The following DOCK4 variants were observed in gnomAD, a reference collection of about 807,000 sequenced individuals.
The protein encoded by DOCK4 is dedicator of cytokinesis protein 4.
Under a neutral mutation model 268.1 loss-of-function variants are expected in DOCK4, and 97 were observed. That is an observed-to-expected ratio of 0.36 (90% confidence interval 0.31 to 0.43). DOCK4 has a LOEUF of 0.43. DOCK4 is among the 20% of genes least tolerant of loss of function. DOCK4 has a pLI of 1.00. For missense variants in DOCK4, 2,145 were observed against 2,455.7 expected (o/e 0.87, Z 2.67); for synonymous variants, 954 against 887.2 (o/e 1.08, Z -1.34).
intron 1 of DOCK4, among the ~76,000 whole-genome samples, chr7:112,131,991 G>A (rs1813852018): frequency 6.6e-6 from 1 of 152,160 alleles, no homozygotes; most frequent in Non-Finnish European, 1.5e-5. Context: ...CTTCATACAA[G>A]CATCATCATT....
intron 30 of DOCK4, among the ~76,000 whole-genome samples, chr7:111,805,759 A>G (rs533565439): frequency 5.8e-4 from 88 of 152,360 alleles, no homozygotes; most frequent in African/African-American, 2.0e-3. Flanking sequence ...AATCTGATTT[A>G]AAAGTATTAT....
chr7:112,031,277 G>A (rs560048158), intron 1 of DOCK4, among the ~76,000 whole-genome samples: 6 of 152,282 alleles, frequency 3.9e-5, no homozygotes, highest in East Asian at 1.9e-4. Context: ...TCACATAGTC[G>A]TTCCACTCCC....
chr7:111,844,897 C>A lies in DOCK4; in HGVS notation c.2602G>T (p.Glu868Ter). ...VFCLIKKNSS[E>*]KSVLEEIDVI... ...TCTATTTCCTCCAGCACAGATTTTT[C>A]CTTAAGAGAAAAAAAATAATATGTT... Residue 868 changes from glutamate to a stop codon, truncating the protein, a stop_gained and splice_region_variant, in exon 25 of 53, where the codon GAA becomes TAA. Transcript: ENST00000428084. LOFTEE classifies it high-confidence loss of function. 1 of 1,603,326 alleles carries A rather than the reference C, an allele frequency of 6.2e-7. No individual in the cohort carries two copies. Among genetic ancestry groups the A allele is most frequent in the Non-Finnish European group, 8.5e-7 (1 of 1,175,670 alleles).
intron 2 of DOCK4, among the ~76,000 whole-genome samples, chr7:112,003,607 T>C (rs1293674036): frequency 5.3e-5 from 8 of 152,148 alleles, no homozygotes; most frequent in Non-Finnish European, 8.8e-5. Flanking sequence ...ATTCCAAGTT[T>C]GAGGGGAAGA....
intron 8 of DOCK4, among the ~76,000 whole-genome samples, chr7:111,961,642 T>C (rs1796903503): frequency 6.6e-6 from 1 of 152,240 alleles, no homozygotes; most frequent in Non-Finnish European, 1.5e-5. Context: ...AGCTGCCTAT[T>C]TTAAGTCTGA....
chr7:111,930,039 G>A (rs1329640122), intron 12 of DOCK4, among the ~76,000 whole-genome samples: 1 of 152,136 alleles, frequency 6.6e-6, no homozygotes, highest in African/African-American at 2.4e-5. Context: ...TCTATCAGAG[G>A]TGAAATTTAT....
chr7:112,047,399 T>C (rs549440537), intron 1 of DOCK4, among the ~76,000 whole-genome samples: 53 of 151,970 alleles, frequency 3.5e-4, no homozygotes, highest in Non-Finnish European at 6.0e-4. Context: ...AATCAACCAA[T>C]CTAAAATGAC....
chr7:111,830,333 G>C lies in DOCK4; in HGVS notation c.2835+4255C>G, dbSNP rs770572404. On this transcript the variant is annotated intron_variant, in intron 26 of 52. Transcript: ENST00000428084. Reference sequence around the variant, plus strand: ...CCCAGCTACTCAAGAAGCTGAGGAAGAGGAATTGCGTCAACCTGGGTGACG... The same window carrying C: ...CCCAGCTACTCAAGAAGCTGAGGAACAGGAATTGCGTCAACCTGGGTGACG... Among the ~76,000 whole-genome samples the C allele has an allele frequency of 4.3e-4, 65 of 152,136 alleles. 1 individual carries two copies. The highest frequency in any genetic ancestry group is 1.2e-4 in the Non-Finnish European group (8 of 68,016).
rs747269738 is a variant in DOCK4, at chr7:112,156,186, C to T, written c.37+49916G>A. On this transcript the variant is annotated intron_variant, in intron 1 of 52. Coordinates refer to ENST00000428084, the MANE Select transcript of DOCK4 (RefSeq NM_001363540.2). ...TTCATCTCTATAATGGGAATCTCAA[C>T]ACCAAACTCTCAGGATGGCCTCCCT... Among the ~76,000 whole-genome samples the T allele has an allele frequency of 3.5e-4, 54 of 152,154 alleles. 1 individual carries two copies. Among genetic ancestry groups the T allele is most frequent in the Non-Finnish European group, 1.3e-4 (9 of 68,026 alleles).
At chr7:112,130,687 C>A (rs1813719931) in intron 1 of DOCK4, among the ~76,000 whole-genome samples, 1 of 152,190 alleles carries the variant, frequency 6.6e-6, no homozygotes, top group African/African-American at 2.4e-5. Context: ...CTGGTCTACA[C>A]TCTCAAAATA....
chr7:111,767,018 T>C lies in DOCK4; in HGVS notation c.3915+14A>G. On this transcript the variant is annotated intron_variant, in intron 38 of 52. Transcript: ENST00000428084. Reference sequence around the variant, plus strand: ...GAGGCTATGGCCTGATCAGGATGCATCCAGGCACCTTACCCGCATCTTGCT... The same window carrying C: ...GAGGCTATGGCCTGATCAGGATGCACCCAGGCACCTTACCCGCATCTTGCT... The C allele has an allele frequency of 6.2e-7, 1 of 1,606,736 alleles. No individual in the cohort carries two copies. Among genetic ancestry groups the C allele is most frequent in the Non-Finnish European group, 8.5e-7 (1 of 1,173,376 alleles).
intron 1 of DOCK4, among the ~76,000 whole-genome samples, chr7:112,190,396 GA>G (rs1467763900): frequency 3.3e-5 from 5 of 152,174 alleles, no homozygotes; most frequent in Non-Finnish European, 7.4e-5. Context: ...AGGAGGAGTA[GA>G]AAGAGACAGA....
intron 1 of DOCK4, among the ~76,000 whole-genome samples, chr7:112,075,244 T>C (rs141110371): frequency 1.3e-5 from 2 of 152,264 alleles, no homozygotes; most frequent in African/African-American, 4.8e-5. Context: ...CAACAACATA[T>C]AAAATGCAGA....
intron 17 of DOCK4, among the ~76,000 whole-genome samples, chr7:111,874,195 C>G (rs1409968112): frequency 6.6e-6 from 1 of 152,114 alleles, no homozygotes; most frequent in Non-Finnish European, 1.5e-5. Flanking sequence ...GCCATTCACT[C>G]CTCACTTCCC....
chr7:112,181,535 T>C (rs1308872247), intron 1 of DOCK4, among the ~76,000 whole-genome samples: 1 of 149,652 alleles, frequency 6.7e-6, no homozygotes, highest in Non-Finnish European at 1.5e-5. Context: ...TTTGTGCCTG[T>C]AGGCTGAGGC....
intron 1 of DOCK4, among the ~76,000 whole-genome samples, chr7:112,133,497 C>A (rs769217737): frequency 1.3e-5 from 2 of 152,170 alleles, no homozygotes; most frequent in Non-Finnish European, 2.9e-5. Context: ...TTTGGCAGGC[C>A]GAGGCGGGTG....
chr7:111,926,874 G>C (rs1329980183), intron 12 of DOCK4, among the ~76,000 whole-genome samples: 2 of 140,922 alleles, frequency 1.4e-5, no homozygotes, highest in South Asian at 4.6e-4. Flanking sequence ...AGAGAGAAAG[G>C]AAGGAAGGAA....
intron 12 of DOCK4, among the ~76,000 whole-genome samples, chr7:111,919,588 T>C (rs761657214): frequency 1.3e-5 from 2 of 152,224 alleles, no homozygotes; most frequent in South Asian, 2.1e-4. Flanking sequence ...AGTGTAATTA[T>C]GTCATTTGAC....
At chr7:112,007,099 C>G (rs1265135027) in intron 1 of DOCK4, among the ~76,000 whole-genome samples, 1 of 152,210 alleles carries the variant, frequency 6.6e-6, no homozygotes, top group Non-Finnish European at 1.5e-5. Flanking sequence ...TGATGTTACT[C>G]CTTCCTTTTT....
Sources: allele counts gnomAD v4.1 joint callset (sites outside exome capture counted in the v4.1 genomes callset), GRCh38; gene constraint gnomAD v4.1.1; transcripts MANE v1.5; gene names NCBI Gene and HGNC (gene_info 2026-07-23, HGNC 2026-07-21).